Variants in BCL2L13 observed in about 807,000 individuals in gnomAD.
The protein encoded by BCL2L13 is bcl-2-like protein 13.
A neutral mutation model predicts 25.8 loss-of-function variants in BCL2L13; 13 were observed. The observed-to-expected ratio is 0.50, with a 90% CI of 0.33 to 0.80. BCL2L13 has a LOEUF of 0.80. BCL2L13 is among the 30% of genes least tolerant of loss of function. The pLI is 0.02. For missense variants in BCL2L13, 504 were observed against 574.9 expected (o/e 0.88, Z 1.26); for synonymous variants, 244 against 230.3 (o/e 1.06, Z -0.54).
At chr22:17,700,200 CTT>C (rs1407601194) in intron 5 of BCL2L13, among the ~76,000 whole-genome samples, 11 of 152,118 alleles carry the variant, frequency 7.2e-5, no homozygotes, top group African/African-American at 2.7e-4. Context: ...AAATGGATCA[CTT>C]TGCATTGCAA....
intron 1 of BCL2L13, among the ~76,000 whole-genome samples, chr22:17,631,707 T>TATA (rs55897356): frequency 4.4e-4 from 4 of 9,096 alleles, no homozygotes; most frequent in Admixed American, 1.9e-3. Flanking sequence ...TATATATATA[T>TATA]TTTTTTTTTT....
intron 4 of BCL2L13, among the ~76,000 whole-genome samples, 200 bp downstream of exon 4, chr22:17,689,342 T>C (rs2060036458): frequency 6.6e-6 from 1 of 152,198 alleles, no homozygotes; most frequent in Non-Finnish European, 1.5e-5. Context: ...GATTTAGCTA[T>C]TCCAACATAG....
intron 2 of BCL2L13, among the ~76,000 whole-genome samples, chr22:17,674,754 G>A (rs1211631021): frequency 2.0e-5 from 3 of 152,132 alleles, no homozygotes; most frequent in African/African-American, 7.2e-5. Context: ...CTCCCAAGTA[G>A]CTGGGACTGT....
intron 6 of BCL2L13, among the ~76,000 whole-genome samples, chr22:17,721,960 A>G (rs1405316299): frequency 2.0e-5 from 3 of 152,170 alleles, no homozygotes; most frequent in East Asian, 1.9e-4. Flanking sequence ...GCGCCCGGCC[A>G]AGAAATTTTT....
At chr22:17,656,608 A>G (rs1392545858) in intron 2 of BCL2L13, among the ~76,000 whole-genome samples, 2 of 151,704 alleles carry the variant, frequency 1.3e-5, no homozygotes, top group Non-Finnish European at 2.9e-5. Flanking sequence ...CGGCCTCCCA[A>G]AGTGCTGGGA....
intron 1 of BCL2L13, among the ~76,000 whole-genome samples, chr22:17,649,911 G>A (rs565619793): frequency 4.3e-5 from 5 of 117,040 alleles, no homozygotes; most frequent in East Asian, 2.5e-4. Flanking sequence ...TTGCTCTGTC[G>A]TCCAAGTTGG....
chr22:17,628,923 C>G (rs1302079694), exon 1 of BCL2L13: 1 of 508,860 alleles, frequency 2.0e-6, no homozygotes. Flanking sequence ...TTTTCCTAAA[C>G]TGGGATCTTG....
chr22:17,706,199 G>A (rs1356015482), intron 6 of BCL2L13, among the ~76,000 whole-genome samples: 1 of 152,010 alleles, frequency 6.6e-6, no homozygotes, highest in African/African-American at 2.4e-5. Context: ...TTTGCAGAGA[G>A]AGGTTTCACT....
At position 17,685,366 on chromosome 22, in the gene BCL2L13, C is replaced by T. The variant is rs144716324; in HGVS notation, c.229+2045C>T. 7.7e-3 allele frequency among the ~76,000 whole-genome samples: 1,169 copies of T among 152,112 alleles called. 23 individuals are homozygous for T. The highest frequency in any genetic ancestry group is 0.026 in the African/African-American group (1,099 of 41,486). On this transcript the variant is annotated intron_variant, in intron 3 of 6. Coordinates refer to ENST00000317582, the MANE Select transcript of BCL2L13 (RefSeq NM_015367.4). ...TCAGCCTCTTGAATAGCTGGGATTACAGGTACCCACCACCACGCCCAGCTA... is the reference window on the plus strand; with the variant it reads ...TCAGCCTCTTGAATAGCTGGGATTATAGGTACCCACCACCACGCCCAGCTA...
At chr22:17,692,033 A>G (rs972211935) in intron 4 of BCL2L13, among the ~76,000 whole-genome samples, 3 of 152,238 alleles carry the variant, frequency 2.0e-5, no homozygotes, top group Non-Finnish European at 2.9e-5. Context: ...TAACTAATGG[A>G]TGATAAACTA....
At chr22:17,655,023 C>T (rs1322684554) in intron 1 of BCL2L13, among the ~76,000 whole-genome samples, 2 of 152,028 alleles carry the variant, frequency 1.3e-5, no homozygotes, top group African/African-American at 4.8e-5. Flanking sequence ...CATGCATTGC[C>T]TGTATCCTTA....
intron 1 of BCL2L13, among the ~76,000 whole-genome samples, chr22:17,640,895 T>TA (rs1378677445): frequency 9.0e-4 from 28 of 30,974 alleles, no homozygotes; most frequent in African/African-American, 6.1e-3. Flanking sequence ...TATATATATA[T>TA]ATATTTTTTT....
chr22:17,702,845 G>C (rs2060478474), intron 6 of BCL2L13: 1 of 152,090 alleles, frequency 6.6e-6, no homozygotes, highest in Admixed American at 6.6e-5. Context: ...CTACTATCAT[G>C]ATCAATTTAA....
chr22:17,677,425 A>G (rs1014804441), intron 2 of BCL2L13, among the ~76,000 whole-genome samples: 13 of 152,144 alleles, frequency 8.5e-5, no homozygotes, highest in Non-Finnish European at 1.9e-4. Flanking sequence ...GGATTCTTTA[A>G]TTTGGTTGCA....
At chr22:17,709,930 T>C (rs1363279347) in intron 6 of BCL2L13, among the ~76,000 whole-genome samples, 1 of 150,650 alleles carries the variant, frequency 6.6e-6, no homozygotes, top group African/African-American at 2.4e-5. Context: ...AATATAAAAA[T>C]TAACTGGAAG....
rs1331506651 is a variant in BCL2L13, at chr22:17,695,267, C to T, written c.387-874C>T. Among the ~76,000 whole-genome samples, 3 of 152,160 alleles carry T rather than the reference C, an allele frequency of 2.0e-5. No individual in the cohort carries two copies. The East Asian group carries it at 5.8e-4, about 29-fold the overall frequency. ...GCTGGAAAATATACTTTCCTGGATA[C>T]TCAGGAAGAAGGAAAGACCAAAATA... is the stretch of plus-strand genomic sequence containing the variant. On this transcript the variant is annotated intron_variant, in intron 4 of 6. Coordinates refer to ENST00000317582, the MANE Select transcript of BCL2L13 (RefSeq NM_015367.4).
intron 4 of BCL2L13, among the ~76,000 whole-genome samples, chr22:17,695,172 G>A (rs919062927): frequency 1.2e-4 from 19 of 152,176 alleles, no homozygotes; most frequent in African/African-American, 4.6e-4. Flanking sequence ...CAGCCAGGAA[G>A]TGGCACCCAT....
chr22:17,656,239 C>CA (rs71201857), intron 2 of BCL2L13, among the ~76,000 whole-genome samples: 88,702 of 134,112 alleles, frequency 0.66, 29,423 homozygotes, highest in East Asian at 0.85. Context: ...GACTCCATCT[C>CA]AAAAAAAAAA....
intron 3 of BCL2L13, among the ~76,000 whole-genome samples, chr22:17,687,874 A>G (rs1164982149): frequency 1.4e-5 from 2 of 143,702 alleles, no homozygotes; most frequent in African/African-American, 5.2e-5. Flanking sequence ...CTAGAGTGCA[A>G]TGGCACAATC....
Sources: gnomAD v4.1 joint callset for allele counts (sites outside exome capture counted in the v4.1 genomes callset) on GRCh38, gnomAD v4.1.1 for gene constraint, MANE v1.5 for transcripts, NCBI Gene and HGNC (gene_info 2026-07-23, HGNC 2026-07-21) for gene names.